The following SIPA1L2 variants were observed in gnomAD, a reference collection of about 807,000 sequenced individuals.
SIPA1L2 encodes signal-induced proliferation-associated 1-like protein 2.
In SIPA1L2, 56 loss-of-function variants were observed where a neutral mutation model predicts 163.9. The observed-to-expected ratio is 0.34, with a 90% CI of 0.28 to 0.43. SIPA1L2 has a LOEUF of 0.43. Among genes scored for constraint, SIPA1L2 ranks in the 20% least tolerant of loss-of-function variants. SIPA1L2 has a pLI of 1.00. For missense variants in SIPA1L2, 1,974 were observed against 2,193.5 expected (o/e 0.90, Z 2.00); for synonymous variants, 877 against 865.7 (o/e 1.01, Z -0.23).
intron 5 of SIPA1L2, among the ~76,000 whole-genome samples, chr1:232,486,257 G>A (rs1327889714): frequency 6.6e-6 from 1 of 152,168 alleles, no homozygotes; most frequent in Non-Finnish European, 1.5e-5. Context: ...AGCCTTGTGG[G>A]CTTGCTATTT....
At chr1:232,626,230 C>CTTTTTTTTTTTT (rs56703620) in intron 1 of SIPA1L2, among the ~76,000 whole-genome samples, 1 of 133,724 alleles carries the variant, frequency 7.5e-6, no homozygotes. Context: ...CTAATATTTG[C>CTTTTTTTTTTTT]TTTTTTTTTT....
chr1:232,433,968 G>A (rs1662401970), intron 15 of SIPA1L2, among the ~76,000 whole-genome samples: 1 of 152,208 alleles, frequency 6.6e-6, no homozygotes, highest in African/African-American at 2.4e-5. Flanking sequence ...TTTCTCTGAA[G>A]ATAATCTGAG....
At chr1:232,406,982 T>C (rs1379960206) in intron 19 of SIPA1L2, among the ~76,000 whole-genome samples, 3 of 152,324 alleles carry the variant, frequency 2.0e-5, no homozygotes, top group Non-Finnish European at 4.4e-5. Flanking sequence ...TGCAGAAAAC[T>C]GACTTAACTG....
chr1:232,503,194 T>G (rs1445118019), intron 3 of SIPA1L2, among the ~76,000 whole-genome samples: 2 of 152,004 alleles, frequency 1.3e-5, no homozygotes, highest in Non-Finnish European at 2.9e-5. Context: ...TGAATGAAAA[T>G]CCACCTATCA....
At chr1:232,518,971 T>G (rs79754147) in intron 2 of SIPA1L2, among the ~76,000 whole-genome samples, 2,316 of 74,606 alleles carry the variant, frequency 0.031, 63 homozygotes, top group African/African-American at 0.082. Flanking sequence ...CAATATATTG[T>G]AACCACAAAA....
At chr1:232,573,001 G>A (rs1336096726) in intron 2 of SIPA1L2, among the ~76,000 whole-genome samples, 3 of 151,564 alleles carry the variant, frequency 2.0e-5, no homozygotes, top group South Asian at 2.1e-4. Flanking sequence ...GGGTGGTCTC[G>A]AACTCCCCAT....
chr1:232,436,837 T>A (rs184579126), intron 15 of SIPA1L2, among the ~76,000 whole-genome samples: 1 of 152,356 alleles, frequency 6.6e-6, no homozygotes, highest in Admixed American at 6.5e-5. Flanking sequence ...ATTCAATGAC[T>A]GAATTCCATG....
At chr1:232,529,169 T>C (rs908571429) in intron 2 of SIPA1L2, among the ~76,000 whole-genome samples, 3 of 152,200 alleles carry the variant, frequency 2.0e-5, no homozygotes, top group African/African-American at 7.2e-5. Context: ...GGTGTCTCAG[T>C]TGGGCTGAAA....
At chr1:232,519,502 G>A (rs915265447) in intron 2 of SIPA1L2, among the ~76,000 whole-genome samples, 10 of 152,176 alleles carry the variant, frequency 6.6e-5, no homozygotes, top group Non-Finnish European at 1.3e-4. Context: ...CCTCAGCTTC[G>A]TGTCCGAGTT....
At chr1:232,491,195 G>A (rs1665912770) in intron 4 of SIPA1L2, 133 bp from the exon 5 acceptor site, 2 of 733,272 alleles carry the variant, frequency 2.7e-6, no homozygotes, top group Non-Finnish European at 4.4e-6. Context: ...AGGGGCGACA[G>A]TGTTCCATTT....
chr1:232,483,094 T>C (rs560066100), intron 6 of SIPA1L2, among the ~76,000 whole-genome samples: 435 of 152,284 alleles, frequency 2.9e-3, no homozygotes, highest in Non-Finnish European at 4.7e-3. Flanking sequence ...ATGAGAAACA[T>C]GATTATCTAT....
At chr1:232,496,212 C>T (rs993266893) in intron 3 of SIPA1L2, among the ~76,000 whole-genome samples, 1 of 151,364 alleles carries the variant, frequency 6.6e-6, no homozygotes, top group South Asian at 2.1e-4. Flanking sequence ...TTTTACTATA[C>T]CTTTTCTATG....
chr1:232,400,292 C>T (rs564632782), intron 22 of SIPA1L2, among the ~76,000 whole-genome samples: 1 of 152,286 alleles, frequency 6.6e-6, no homozygotes, highest in East Asian at 1.9e-4. Flanking sequence ...AGTCTGAGTC[C>T]CACAGCTCAG....
chr1:232,603,745 T>C (rs7546863), intron 1 of SIPA1L2, among the ~76,000 whole-genome samples: 26,422 of 151,996 alleles, frequency 0.17, 3,063 homozygotes, highest in African/African-American at 0.33. Context: ...CATCCACTGA[T>C]GCAGGTGACC....
intron 1 of SIPA1L2, among the ~76,000 whole-genome samples, chr1:232,626,739 G>T (rs1243340381): frequency 6.6e-6 from 1 of 152,132 alleles, no homozygotes; most frequent in Non-Finnish European, 1.5e-5. Context: ...CCAAGGCAAA[G>T]AAATGACATA....
At chr1:232,526,086 C>T (rs1276543646) in intron 2 of SIPA1L2, among the ~76,000 whole-genome samples, 1 of 152,138 alleles carries the variant, frequency 6.6e-6, no homozygotes, top group African/African-American at 2.4e-5. Flanking sequence ...AAAAGGTTGC[C>T]CTTAGGTTCT....
chr1:232,582,353 T>C (rs1660425908), intron 1 of SIPA1L2, among the ~76,000 whole-genome samples: 1 of 152,164 alleles, frequency 6.6e-6, no homozygotes, highest in Non-Finnish European at 1.5e-5. Context: ...ATTCCCATGT[T>C]TACATCCATA....
At chr1:232,446,468 G>A (rs1351292465) in intron 10 of SIPA1L2, among the ~76,000 whole-genome samples, 2 of 152,134 alleles carry the variant, frequency 1.3e-5, no homozygotes, top group Non-Finnish European at 2.9e-5. Context: ...TCATCAAAAT[G>A]TATGCTTTGT....
intron 10 of SIPA1L2, among the ~76,000 whole-genome samples, chr1:232,453,746 C>CTT (rs10711839): frequency 1.5e-5 from 2 of 130,204 alleles, no homozygotes; most frequent in Non-Finnish European, 3.3e-5. Context: ...AAACACAAGG[C>CTT]TTTTTTTTTT....
Sources: allele counts gnomAD v4.1 joint callset (sites outside exome capture counted in the v4.1 genomes callset), GRCh38; gene constraint gnomAD v4.1.1; transcripts MANE v1.5; gene names NCBI Gene and HGNC (gene_info 2026-07-23, HGNC 2026-07-21).